RBFOX1: variants seen among roughly 807,000 people sequenced by gnomAD.
The protein encoded by RBFOX1 is RNA binding protein fox-1 homolog 1.
Under a neutral mutation model 57.7 loss-of-function variants are expected in RBFOX1, and 8 were observed. The ratio of observed to expected loss-of-function variants is 0.14; its 90% confidence interval spans 0.08 to 0.25. The LOEUF (loss-of-function observed/expected upper bound fraction) is 0.25. Among genes scored for constraint, RBFOX1 ranks in the 10% least tolerant of loss-of-function variants. RBFOX1 has a pLI of 1.00. For missense variants in RBFOX1, 611 were observed against 548.5 expected, an observed-to-expected ratio of 1.11 and a Z score of -1.14; for synonymous variants, 326 against 222.4, an observed-to-expected ratio of 1.47 and a Z score of -4.15.
chr16:5,597,918 T>C (rs962140099), intron 2 of RBFOX1, among the ~76,000 whole-genome samples: 2 of 152,204 alleles, frequency 1.3e-5, no homozygotes, highest in African/African-American at 4.8e-5. Context: ...TCAGCCTCTC[T>C]TTTGCTTCTT....
chr16:7,450,073 A>G (rs1004620586), intron 4 of RBFOX1, among the ~76,000 whole-genome samples: 1 of 152,114 alleles, frequency 6.6e-6, no homozygotes, highest in African/African-American at 2.4e-5. Context: ...TAGAAAGAAA[A>G]GAAGGAACTC....
intron 3 of RBFOX1, among the ~76,000 whole-genome samples, chr16:6,688,275 A>G (rs1333374671): frequency 1.3e-5 from 2 of 152,062 alleles, no homozygotes; most frequent in Non-Finnish European, 2.9e-5. Flanking sequence ...AAACAACCAC[A>G]TCTCATGAGA....
intron 3 of RBFOX1, among the ~76,000 whole-genome samples, chr16:6,729,620 C>A (rs1486225669): frequency 6.6e-6 from 1 of 152,080 alleles, no homozygotes; most frequent in African/African-American, 2.4e-5. Flanking sequence ...GGGTTCTTGG[C>A]TGTGTGTAGA....
chr16:6,439,675 C>G (rs1358920770), intron 2 of RBFOX1, among the ~76,000 whole-genome samples: 1 of 152,128 alleles, frequency 6.6e-6, no homozygotes, highest in East Asian at 1.9e-4. Flanking sequence ...AGTTGCTAAG[C>G]AACCCACAAG....
intron 1 of RBFOX1, among the ~76,000 whole-genome samples, chr16:6,308,483 G>T (rs557851113): frequency 4.6e-5 from 7 of 152,326 alleles, no homozygotes; most frequent in Admixed American, 1.3e-4. Context: ...TACTGGCTGT[G>T]TGTTGACTTG....
intron 3 of RBFOX1, among the ~76,000 whole-genome samples, chr16:6,884,909 CA>C (rs1471057521): frequency 2.0e-5 from 3 of 151,976 alleles, no homozygotes; most frequent in Non-Finnish European, 4.4e-5. Context: ...AACAAACAAA[CA>C]AAACAAAAAA....
intron 1 of RBFOX1, among the ~76,000 whole-genome samples, chr16:6,071,054 G>T (rs2095831150): frequency 6.6e-6 from 1 of 152,168 alleles, no homozygotes; most frequent in Admixed American, 6.5e-5. Context: ...TGGGTGCGGT[G>T]GTTCATGCCT....
intron 1 of RBFOX1, among the ~76,000 whole-genome samples, chr16:5,277,136 A>G (rs1341287212): frequency 1.3e-5 from 2 of 152,204 alleles, no homozygotes; most frequent in Non-Finnish European, 2.9e-5. Flanking sequence ...TTAAAAAGGA[A>G]TGAAATAATG....
chr16:6,205,863 C>G (rs796251029), intron 1 of RBFOX1, among the ~76,000 whole-genome samples: 4 of 97,884 alleles, frequency 4.1e-5, no homozygotes, highest in African/African-American at 1.7e-4. Flanking sequence ...CGAGATCATA[C>G]TTTTTTTTTT....
chr16:5,242,718 C>T (rs1042400854), intron 1 of RBFOX1, among the ~76,000 whole-genome samples: 10 of 152,112 alleles, frequency 6.6e-5, no homozygotes, highest in African/African-American at 2.4e-4. Context: ...TTGGACTTTT[C>T]TCTGCAAGAA....
intron 4 of RBFOX1, among the ~76,000 whole-genome samples, chr16:7,073,637 A>G (rs1002355155): frequency 6.6e-5 from 10 of 152,050 alleles, no homozygotes; most frequent in Non-Finnish European, 1.5e-4. Flanking sequence ...TGAGCCCAAG[A>G]CTTCAAGACC....
chr16:5,280,322 T>C (rs1260078733), intron 1 of RBFOX1, among the ~76,000 whole-genome samples: 1 of 152,230 alleles, frequency 6.6e-6, no homozygotes, highest in Non-Finnish European at 1.5e-5. Context: ...TCATTCATCA[T>C]TAGATTCGGT....
At chr16:5,680,107 G>C (rs2050286752) in intron 3 of RBFOX1, among the ~76,000 whole-genome samples, 1 of 152,174 alleles carries the variant, frequency 6.6e-6, no homozygotes, top group Non-Finnish European at 1.5e-5. Context: ...CGTCAGAAGA[G>C]GGACATCATG....
intron 1 of RBFOX1, among the ~76,000 whole-genome samples, chr16:5,363,582 A>G (rs1256796832): frequency 6.6e-6 from 1 of 152,176 alleles, no homozygotes; most frequent in Non-Finnish European, 1.5e-5. Context: ...CCTCATCCCC[A>G]GGGCTCAGTT....
intron 2 of RBFOX1, among the ~76,000 whole-genome samples, chr16:5,596,950 G>T (rs1199668299): frequency 1.3e-5 from 2 of 152,186 alleles, no homozygotes; most frequent in Non-Finnish European, 1.5e-5. Context: ...TGAGGAAGGA[G>T]GGGAACAAAC....
At chr16:6,951,478 G>A (rs1393948614) in intron 3 of RBFOX1, among the ~76,000 whole-genome samples, 1 of 152,120 alleles carries the variant, frequency 6.6e-6, no homozygotes, top group African/African-American at 2.4e-5. Flanking sequence ...GTTACATAGT[G>A]GCTGAGTCTG....
At chr16:5,306,211 A>C (rs959699526) in intron 1 of RBFOX1, among the ~76,000 whole-genome samples, 4 of 152,242 alleles carry the variant, frequency 2.6e-5, no homozygotes, top group Middle Eastern at 6.3e-3. Context: ...AAAAAACTAA[A>C]TAAATAAAGA....
At chr16:7,136,308 C>T (rs1328679331) in intron 4 of RBFOX1, among the ~76,000 whole-genome samples, 3 of 152,084 alleles carry the variant, frequency 2.0e-5, no homozygotes, top group African/African-American at 4.8e-5. Context: ...CTCATATTAG[C>T]CACATCTCAA....
Position 5,505,551 on chromosome 16 carries a change from C to G in RBFOX1, c.258+38297C>G, listed in dbSNP as rs141551492. Among the ~76,000 whole-genome samples, 1,363 of 152,242 alleles carry G rather than the reference C, an allele frequency of 9.0e-3. 11 individuals carry two copies. Among genetic ancestry groups the G allele is most frequent in the Non-Finnish European group, 0.013 (852 of 68,020 alleles). ...CCCTGTCTCCTGCAGCCCCTCTTAC[C>G]CCTCACAGTGGTCTGGTTTTTGGGA... is the stretch of plus-strand genomic sequence containing the variant. On this transcript the variant is annotated intron_variant, in intron 2 of 2. Transcript: ENST00000585867.
Sources: gnomAD v4.1 joint callset for allele counts (sites outside exome capture counted in the v4.1 genomes callset) on GRCh38, gnomAD v4.1.1 for gene constraint, MANE v1.5 for transcripts, NCBI Gene and HGNC (gene_info 2026-07-23, HGNC 2026-07-21) for gene names.